The following GRIK3 variants were observed in gnomAD, a reference collection of about 807,000 sequenced individuals.
GRIK3 encodes the protein glutamate ionotropic receptor kainate type subunit 3.
In GRIK3, 29 loss-of-function variants were observed where a neutral mutation model predicts 102.5. The observed-to-expected ratio is 0.28, with a 90% CI of 0.21 to 0.39. The LOEUF is 0.39. Ranked by LOEUF, GRIK3 falls within the 10% of genes least tolerant of loss-of-function variation. GRIK3 has a pLI of 1.00. For missense variants in GRIK3, 908 were observed against 1,252.4 expected, an observed-to-expected ratio of 0.73 and a Z score of 4.15; for synonymous variants, 511 against 504.9, an observed-to-expected ratio of 1.01 and a Z score of -0.16.
intron 13 of GRIK3, 52 bp downstream of exon 13, chr1:36,817,008 G>A (rs57284831): frequency 7.8e-7 from 1 of 1,274,044 alleles, no homozygotes; most frequent in Non-Finnish European, 1.1e-6. Context: ...CTCAGTAAAG[G>A]GTCCGGAGAG....
At chr1:36,934,225 C>A (rs1641628394) in intron 1 of GRIK3, among the ~76,000 whole-genome samples, 1 of 152,198 alleles carries the variant, frequency 6.6e-6, no homozygotes, top group Non-Finnish European at 1.5e-5. Context: ...GTCTGTACAG[C>A]TGACCCGATC....
intron 9 of GRIK3, among the ~76,000 whole-genome samples, chr1:36,845,300 C>T (rs541785237): frequency 2.6e-5 from 4 of 152,354 alleles, no homozygotes; most frequent in Non-Finnish European, 4.4e-5. Context: ...CATAACTTCA[C>T]GCTCTTCTAT....
chr1:36,889,164 T>C (rs1452186184), intron 2 of GRIK3, among the ~76,000 whole-genome samples: 5 of 151,784 alleles, frequency 3.3e-5, no homozygotes, highest in Non-Finnish European at 7.4e-5. Context: ...AAGTTGAGTG[T>C]TATAAGATGA....
At chr1:36,985,106 G>A (rs1044598366) in intron 1 of GRIK3, among the ~76,000 whole-genome samples, 1 of 152,144 alleles carries the variant, frequency 6.6e-6, no homozygotes, top group Admixed American at 6.5e-5. Flanking sequence ...CAGGCATGCG[G>A]GCAAGGGCTC....
At chr1:36,861,940 G>T (rs527698917) in intron 5 of GRIK3, among the ~76,000 whole-genome samples, 1 of 152,260 alleles carries the variant, frequency 6.6e-6, no homozygotes, top group African/African-American at 2.4e-5. Context: ...TCAGTAGGGA[G>T]TGGGGGGTGG....
rs117559849 is a variant in GRIK3, at chr1:36,930,554, A to G, written c.116-39458T>C. Among the ~76,000 whole-genome samples, 1,137 of 152,316 alleles carry G rather than the reference A, an allele frequency of 7.5e-3. 51 individuals are homozygous for G. The East Asian group carries it at 0.11, about 15-fold the overall frequency. ...TGCCTTAGTTCTTGTGCTCTGGTCC[A>G]TCACACATGCCTGATGAGACATGAA... On this transcript the variant is annotated intron_variant, in intron 1 of 15. Coordinates refer to ENST00000373091, the MANE Select transcript of GRIK3 (RefSeq NM_000831.4).
chr1:36,825,033 C>A (rs1040398101), intron 11 of GRIK3, among the ~76,000 whole-genome samples: 3 of 152,172 alleles, frequency 2.0e-5, no homozygotes, highest in Non-Finnish European at 2.9e-5. Context: ...CTCCTCCTAC[C>A]ACCCACCAGC....
At chr1:36,973,264 G>A (rs536371060) in intron 1 of GRIK3, among the ~76,000 whole-genome samples, 106 of 152,178 alleles carry the variant, frequency 7.0e-4, no homozygotes, top group African/African-American at 2.4e-3. Flanking sequence ...CGTTGGCGGC[G>A]CTGGACTTCT....
chr1:36,976,569 C>T (rs1310178099), intron 1 of GRIK3, among the ~76,000 whole-genome samples: 1 of 152,076 alleles, frequency 6.6e-6, no homozygotes, highest in African/African-American at 2.4e-5. Context: ...ATCTCAGTCA[C>T]TATCCGGCTT....
At chr1:36,996,758 G>T (rs1401478239) in intron 1 of GRIK3, among the ~76,000 whole-genome samples, 19 of 152,182 alleles carry the variant, frequency 1.2e-4, no homozygotes, top group Non-Finnish European at 2.9e-5. Context: ...GTCACGTGTG[G>T]AGGGATAAGA....
At chr1:36,977,280 G>A (rs1642205504) in intron 1 of GRIK3, among the ~76,000 whole-genome samples, 1 of 152,160 alleles carries the variant, frequency 6.6e-6, no homozygotes, top group Non-Finnish European at 1.5e-5. Context: ...AGGTCCCATT[G>A]TCTTAAAGAT....
At position 36,961,851 on chromosome 1, in the gene GRIK3, G is replaced by A. The variant is rs1054798435; in HGVS notation, c.116-70755C>T. 2.6e-5 allele frequency among the ~76,000 whole-genome samples: 4 copies of A among 152,186 alleles called. No individual in the cohort carries two copies. The South Asian group carries it at 6.2e-4, about 24-fold the overall frequency. On this transcript the variant is annotated intron_variant, in intron 1 of 15. Coordinates refer to ENST00000373091, the MANE Select transcript of GRIK3 (RefSeq NM_000831.4). ...TCTGCAATGGCACTGTCCTAGGTGC[G>A]GGGGACTCAGCAGTAATCAGGACAA... is the stretch of plus-strand genomic sequence containing the variant.
chr1:37,007,230 T>C (rs1557461085), intron 1 of GRIK3, among the ~76,000 whole-genome samples: 1 of 152,240 alleles, frequency 6.6e-6, no homozygotes, highest in Non-Finnish European at 1.5e-5. Flanking sequence ...AGGTGGGTGC[T>C]GTTATTACGC....
At chr1:36,818,540 T>C (rs1159043317) in intron 12 of GRIK3, among the ~76,000 whole-genome samples, 2 of 152,222 alleles carry the variant, frequency 1.3e-5, no homozygotes, top group Non-Finnish European at 2.9e-5. Flanking sequence ...ATTGCTGAGT[T>C]CTGCCAGCCT....
Position 36,911,379 on chromosome 1 carries a change from T to C in GRIK3, c.116-20283A>G, listed in dbSNP as rs553678507. On this transcript the variant is annotated intron_variant, in intron 1 of 15. Coordinates refer to ENST00000373091, the MANE Select transcript of GRIK3 (RefSeq NM_000831.4). ...TCATCATCTGAAACAGAGATATTAA[T>C]AGTGTTTACAACATAGGGGTATTTT... Among the ~76,000 whole-genome samples the C allele has an allele frequency of 2.6e-5, 4 of 152,316 alleles. No individual in the cohort carries two copies. The East Asian group carries it at 7.7e-4, about 29-fold the overall frequency.
intron 13 of GRIK3, among the ~76,000 whole-genome samples, chr1:36,812,666 C>T (rs924862888): frequency 6.6e-6 from 1 of 151,900 alleles, no homozygotes; most frequent in African/African-American, 2.4e-5. Flanking sequence ...AGGGTGGGGG[C>T]GAGGGATCGA....
intron 1 of GRIK3, among the ~76,000 whole-genome samples, chr1:36,951,992 G>A (rs576350831): frequency 1.1e-3 from 163 of 152,246 alleles, no homozygotes; most frequent in Non-Finnish European, 1.7e-3. Context: ...GGAAATGAAT[G>A]TTCCTGCCAG....
chr1:36,916,394 T>G (rs1374943996), intron 1 of GRIK3, among the ~76,000 whole-genome samples: 2 of 152,218 alleles, frequency 1.3e-5, no homozygotes, highest in African/African-American at 2.4e-5. Flanking sequence ...TCAAGCCAAC[T>G]GCAGAAACTT....
chr1:37,018,199 A>G (rs1642673833), intron 1 of GRIK3, among the ~76,000 whole-genome samples: 1 of 152,100 alleles, frequency 6.6e-6, no homozygotes, highest in Non-Finnish European at 1.5e-5. Flanking sequence ...TGCAAAACTC[A>G]TCGTCTCAGT....
Sources: gnomAD v4.1 joint callset for allele counts (sites outside exome capture counted in the v4.1 genomes callset) on GRCh38, gnomAD v4.1.1 for gene constraint, MANE v1.5 for transcripts, NCBI Gene and HGNC (gene_info 2026-07-23, HGNC 2026-07-21) for gene names.